Variants in SLC18B1 observed in about 807,000 individuals in gnomAD.
SLC18B1 encodes the protein solute carrier family 18 member B1, also known as MFS-type transporter SLC18B1.
A neutral mutation model predicts 53.9 loss-of-function variants in SLC18B1; 62 were observed. That is an observed-to-expected ratio of 1.15 (90% CI 0.94 to 1.42). SLC18B1 has a LOEUF of 1.42. Ranked by LOEUF, SLC18B1 falls within the 40% of genes most tolerant of loss-of-function variation. The pLI, the probability that SLC18B1 is intolerant of heterozygous loss-of-function variation, is 0.00. For synonymous variants in SLC18B1, 217 were observed against 200.9 expected (o/e 1.08, Z -0.68); for missense variants, 598 against 547.3 (o/e 1.09, Z -0.93).
chr6:132,790,495 A>T (rs1260436928), intron 2 of SLC18B1, among the ~76,000 whole-genome samples: 1 of 152,180 alleles, frequency 6.6e-6, no homozygotes. Context: ...CACTCACCAT[A>T]CCTATAAAGA....
chr6:132,790,221 A>G lies in SLC18B1; in HGVS notation c.235T>C (p.Phe79Leu). The G allele has an allele frequency of 6.3e-7, 1 of 1,579,820 alleles. No homozygotes were observed. Among genetic ancestry groups the G allele is most frequent in the Non-Finnish European group, 8.6e-7 (1 of 1,160,262 alleles). ...NTIIGMIFGC[F>L]ALFELLASLV... ...GATGCCAGCAACTCGAACAAAGCAA[A>G]ACATCCAAAGATCATACCGATAATT... The change falls in exon 3 of 14, where the codon TTT (phenylalanine) becomes CTT (leucine). Residue 79 changes from phenylalanine to leucine, a missense_variant. Transcript: ENST00000275227.
intron 2 of SLC18B1, among the ~76,000 whole-genome samples, chr6:132,794,339 G>A (rs947988758): frequency 6.6e-6 from 1 of 151,486 alleles, no homozygotes; most frequent in African/African-American, 2.4e-5. Context: ...CCTGACCTCA[G>A]GTGATCCTCC....
intron 8 of SLC18B1, among the ~76,000 whole-genome samples, chr6:132,774,937 A>T (rs1422507923): frequency 6.6e-6 from 1 of 152,104 alleles, no homozygotes; most frequent in Non-Finnish European, 1.5e-5. Flanking sequence ...CACAAAAAAA[A>T]CCCACCAAGT....
intron 8 of SLC18B1, 53 bp from the exon 9 acceptor site, chr6:132,774,366 T>A: frequency 7.3e-7 from 1 of 1,375,980 alleles, no homozygotes; most frequent in Non-Finnish European, 1.0e-6. Context: ...AGACCCTCCA[T>A]AATCAAACAA....
intron 2 of SLC18B1, among the ~76,000 whole-genome samples, chr6:132,790,868 G>A (rs1279342790): frequency 6.6e-6 from 1 of 152,064 alleles, no homozygotes; most frequent in Non-Finnish European, 1.5e-5. Flanking sequence ...ACGTTCTCCT[G>A]AAACAGCCAA....
intron 2 of SLC18B1, 83 bp downstream of exon 2, chr6:132,796,899 C>G (rs563962842): frequency 3.1e-5 from 44 of 1,411,828 alleles, no homozygotes; most frequent in Non-Finnish European, 4.0e-5. Context: ...ATTTTATATA[C>G]TATAAAATAA....
chr6:132,787,711 A>AT (rs765379984), intron 4 of SLC18B1, 130 bp from the exon 5 acceptor site: 5 of 770,004 alleles, frequency 6.5e-6, no homozygotes, highest in Admixed American at 4.2e-5. Flanking sequence ...TTAGAATATG[A>AT]TTTTTTTAAA....
intron 8 of SLC18B1, among the ~76,000 whole-genome samples, chr6:132,774,840 G>A (rs1781061632): frequency 6.6e-6 from 1 of 152,034 alleles, no homozygotes; most frequent in East Asian, 1.9e-4. Context: ...GAACCTGGGA[G>A]GCGGAGGTTG....
chr6:132,784,028 A>C lies in SLC18B1; in HGVS notation c.563T>G (p.Leu188Trp), dbSNP rs895058021. Residue 188 changes from leucine (L) to tryptophan (W), a missense_variant, in exon 6 of 14, where the codon TTG becomes TGG. Transcript: ENST00000275227. Reference sequence around the variant, plus strand: ...CACTTCATAGCCAAAGGATTGATACAAAAAGCCACCTACAGGAGGACCTAG... The same window carrying C: ...CACTTCATAGCCAAAGGATTGATACCAAAAGCCACCTACAGGAGGACCTAG... ...LILGPPVGGF[L>W]YQSFGYEVPF... 5.6e-6 allele frequency: 9 copies of C among 1,610,112 alleles called. No homozygotes were observed. In the African/African-American group the frequency reaches 1.1e-4, roughly 19 times the overall value.
rs1280719046 is a variant in SLC18B1, at chr6:132,790,243, A to G, written c.213T>C (p.Ile71=). 3.8e-6 allele frequency: 6 copies of G among 1,572,512 alleles called. No individual in the cohort carries two copies. Among genetic ancestry groups the G allele is most frequent in the Non-Finnish European group, 5.2e-6 (6 of 1,156,872 alleles). The change falls in exon 3 of 14, where the codon ATT becomes ATC. Residue 71 remains isoleucine (I), a synonymous_variant. Transcript: ENST00000275227. ...CAAAACATCCAAAGATCATACCGAT[A>G]ATTGTATTGCTGGCTCCCTTCTTTT... The part of the protein sequence containing the change: ...EAEKKGASNT[I]IGMIFGCFAL...
intron 9 of SLC18B1, among the ~76,000 whole-genome samples, chr6:132,773,440 C>T (rs904641701): frequency 2.0e-5 from 3 of 152,098 alleles, no homozygotes; most frequent in South Asian, 2.1e-4. Context: ...TTCAATCACT[C>T]GGCTTTGAAC....
At chr6:132,792,225 C>CAGAAAGAAAGGAAGAA (rs1781541941) in intron 2 of SLC18B1, among the ~76,000 whole-genome samples, 2 of 44,538 alleles carry the variant, frequency 4.5e-5, no homozygotes, top group South Asian at 1.9e-3. Context: ...AAGACACTGT[C>CAGAAAGAAAGGAAGAA]AGAAAGAAAG....
chr6:132,776,023 C>G (rs983824792), intron 8 of SLC18B1, among the ~76,000 whole-genome samples: 8 of 152,182 alleles, frequency 5.3e-5, no homozygotes, highest in African/African-American at 1.9e-4. Flanking sequence ...GAGCTATGAT[C>G]GCACCACTGC....
chr6:132,773,474 A>G (rs191305837), intron 9 of SLC18B1, among the ~76,000 whole-genome samples: 73 of 152,352 alleles, frequency 4.8e-4, no homozygotes, highest in Non-Finnish European at 7.9e-4. Context: ...AAGATGGCAT[A>G]GAAGGAAAGA....
intron 13 of SLC18B1, 51 bp downstream of exon 13, chr6:132,770,839 T>A: frequency 6.6e-7 from 1 of 1,506,540 alleles, no homozygotes; most frequent in Non-Finnish European, 9.1e-7. Flanking sequence ...ATTTTCCACT[T>A]GCACTGGCTA....
At chr6:132,795,700 G>C (rs994188022) in intron 2 of SLC18B1, among the ~76,000 whole-genome samples, 16 of 152,150 alleles carry the variant, frequency 1.1e-4, no homozygotes, top group Admixed American at 7.2e-4. Context: ...TACACTCCAA[G>C]CCAGTCATAT....
intron 6 of SLC18B1, among the ~76,000 whole-genome samples, chr6:132,783,150 C>T (rs1266870973): frequency 7.0e-6 from 1 of 143,498 alleles, no homozygotes; most frequent in Non-Finnish European, 1.5e-5. Flanking sequence ...TATTATCAAT[C>T]CTAGAGATTT....
Position 132,792,257 on chromosome 6 carries a change from A to AG in SLC18B1, c.184-1986_184-1985insC, listed in dbSNP as rs1562271308. On this transcript the variant is annotated intron_variant, in intron 2 of 13. Coordinates refer to ENST00000275227, the MANE Select transcript of SLC18B1 (RefSeq NM_052831.3). Reference sequence around the variant, plus strand: ...AAAGAAAGAAAGAAAGAAAGAAAGAAAGAAAGAAAGAAAGAAAGAAAGAAA... The same window carrying AG: ...AAAGAAAGAAAGAAAGAAAGAAAGAAGAGAAAGAAAGAAAGAAAGAAAGAAA... 8.3e-3 allele frequency among the ~76,000 whole-genome samples: 276 copies of AG among 33,322 alleles called. 5 individuals carry two copies. The highest frequency in any genetic ancestry group is 0.011 in the Middle Eastern group (1 of 88). The allele number at this position is 33,322 out of a possible 152,430, so 21.9% of individuals were successfully genotyped here.
chr6:132,779,439 G>T, intron 6 of SLC18B1, 35 bp from the exon 7 acceptor site: 1 of 1,563,918 alleles, frequency 6.4e-7, no homozygotes, highest in Non-Finnish European at 8.7e-7. Context: ...AAAAAAAAAT[G>T]AAAGCAATTA....
Sources: gnomAD v4.1 joint callset for allele counts (sites outside exome capture counted in the v4.1 genomes callset) on GRCh38, gnomAD v4.1.1 for gene constraint, MANE v1.5 for transcripts, NCBI Gene and HGNC (gene_info 2026-07-23, HGNC 2026-07-21) for gene names.